The following C8orf34 variants were observed in gnomAD, a reference collection of about 807,000 sequenced individuals.
The protein encoded by C8orf34 is chromosome 8 open reading frame 34, also known as uncharacterized protein C8orf34.
A neutral mutation model predicts 68.3 loss-of-function variants in C8orf34; 65 were observed. The ratio of observed to expected loss-of-function variants is 0.95; its 90% confidence interval spans 0.78 to 1.17. The LOEUF (loss-of-function observed/expected upper bound fraction) is 1.17, where lower values mean the gene tolerates loss of function less well. Among genes scored for constraint, C8orf34 ranks in the 50% most tolerant of loss-of-function variants. C8orf34 has a pLI of 0.00. For missense variants in C8orf34, 664 were observed against 655.4 expected (o/e 1.01, Z -0.14); for synonymous variants, 244 against 241.2 (o/e 1.01, Z -0.11).
intron 8 of C8orf34, among the ~76,000 whole-genome samples, chr8:68,656,090 C>T (rs1313827284): frequency 6.6e-6 from 1 of 152,130 alleles, no homozygotes; most frequent in Non-Finnish European, 1.5e-5. Flanking sequence ...ATGCTGCTCT[C>T]CTCTTCCAGG....
At chr8:68,782,197 A>G (rs888374183) in intron 11 of C8orf34, among the ~76,000 whole-genome samples, 4 of 152,182 alleles carry the variant, frequency 2.6e-5, no homozygotes, top group Non-Finnish European at 4.4e-5. Flanking sequence ...ATCAGAGACT[A>G]TGTCACATTT....
intron 12 of C8orf34, among the ~76,000 whole-genome samples, chr8:68,814,855 G>C (rs1425985815): frequency 6.6e-6 from 1 of 152,112 alleles, no homozygotes; most frequent in Non-Finnish European, 1.5e-5. Flanking sequence ...TTTTAAAAGT[G>C]ATTGTTCTAT....
intron 1 of C8orf34, among the ~76,000 whole-genome samples, chr8:68,425,701 C>G (rs115378357): frequency 2.7e-5 from 4 of 149,092 alleles, no homozygotes; most frequent in Admixed American, 1.3e-4. Context: ...ATGAAAAGAG[C>G]CTAGAATAGC....
chr8:68,336,220 A>G (rs773957557), intron 1 of C8orf34, among the ~76,000 whole-genome samples: 14 of 152,166 alleles, frequency 9.2e-5, no homozygotes, highest in East Asian at 3.9e-4. Flanking sequence ...TTAAGAAGCC[A>G]TGAACCATAC....
chr8:68,817,731 G>GACT (rs1563686571), intron 13 of C8orf34, among the ~76,000 whole-genome samples: 25 of 152,038 alleles, frequency 1.6e-4, no homozygotes, highest in Non-Finnish European at 3.7e-4. Flanking sequence ...AAAGAAAAGA[G>GACT]GTTTAAGTGC....
intron 6 of C8orf34, among the ~76,000 whole-genome samples, chr8:68,529,509 G>T (rs914560323): frequency 6.6e-6 from 1 of 152,172 alleles, no homozygotes; most frequent in Admixed American, 6.5e-5. Context: ...TCTGAACCCT[G>T]CAGATTCTTT....
At chr8:68,477,711 G>T (rs1240869624) in intron 4 of C8orf34, among the ~76,000 whole-genome samples, 4 of 152,186 alleles carry the variant, frequency 2.6e-5, no homozygotes, top group Non-Finnish European at 4.4e-5. Context: ...GCAGACTTCT[G>T]CCTGGACATT....
intron 7 of C8orf34, among the ~76,000 whole-genome samples, chr8:68,636,285 A>G (rs1338361734): frequency 1.3e-5 from 2 of 152,192 alleles, no homozygotes; most frequent in East Asian, 1.9e-4. Context: ...CTAATGCTGC[A>G]TATGATCTGG....
chr8:68,528,058 T>A (rs1815089277), intron 6 of C8orf34, among the ~76,000 whole-genome samples: 1 of 152,216 alleles, frequency 6.6e-6, no homozygotes, highest in Non-Finnish European at 1.5e-5. Flanking sequence ...AGCAATAATT[T>A]GCTAACTGCC....
intron 9 of C8orf34, among the ~76,000 whole-genome samples, chr8:68,720,426 C>T (rs1428262951): frequency 6.6e-6 from 1 of 151,848 alleles, no homozygotes; most frequent in Non-Finnish European, 1.5e-5. Context: ...AGATTTCATG[C>T]TCTAATTCTC....
At chr8:68,539,962 G>A (rs1815639677) in intron 7 of C8orf34, among the ~76,000 whole-genome samples, 1 of 152,118 alleles carries the variant, frequency 6.6e-6, no homozygotes, top group East Asian at 1.9e-4. Context: ...GCTTTTATGA[G>A]GTTTTATTCA....
intron 7 of C8orf34, among the ~76,000 whole-genome samples, chr8:68,638,719 C>T (rs1425213653): frequency 6.6e-6 from 1 of 151,754 alleles, no homozygotes; most frequent in African/African-American, 2.4e-5. Context: ...TTTGATGACT[C>T]CCATGAAGTT....
chr8:68,342,416 G>T lies in C8orf34; in HGVS notation c.327+11077G>T, dbSNP rs554067680. ...TTAGAAGATAAGTTACCGGTTAGGA[G>T]AAAATATTTTCAAAGCACACATCTA... On this transcript the variant is annotated intron_variant, in intron 1 of 13. Transcript: ENST00000518698. Among the ~76,000 whole-genome samples, 16 of 152,240 alleles carry T rather than the reference G, an allele frequency of 1.1e-4. No homozygotes were observed. In the East Asian group the frequency reaches 1.7e-3, roughly 17 times the overall value.
At chr8:68,360,752 C>CTTTTTTTTTT (rs1319672272) in intron 1 of C8orf34, among the ~76,000 whole-genome samples, 1 of 144,192 alleles carries the variant, frequency 6.9e-6, no homozygotes, top group African/African-American at 2.7e-5. Context: ...CCTTTTCTTC[C>CTTTTTTTTTT]TTTCTTTTTT....
chr8:68,466,463 A>C (rs1812140097), intron 3 of C8orf34, among the ~76,000 whole-genome samples: 1 of 152,012 alleles, frequency 6.6e-6, no homozygotes, highest in South Asian at 2.1e-4. Flanking sequence ...CTTGATCACT[A>C]CGTGTTATAT....
chr8:68,528,736 T>C (rs907181202), intron 6 of C8orf34, among the ~76,000 whole-genome samples: 1 of 152,202 alleles, frequency 6.6e-6, no homozygotes, highest in Non-Finnish European at 1.5e-5. Flanking sequence ...TCCTCAATGA[T>C]GACTTCACAT....
At chr8:68,677,622 C>T (rs1210213629) in intron 8 of C8orf34, among the ~76,000 whole-genome samples, 1 of 152,076 alleles carries the variant, frequency 6.6e-6, no homozygotes, top group Non-Finnish European at 1.5e-5. Flanking sequence ...TAACAAAGTG[C>T]TGGGATTGCA....
intron 5 of C8orf34, among the ~76,000 whole-genome samples, chr8:68,513,452 C>T (rs904120156): frequency 1.3e-5 from 2 of 152,294 alleles, no homozygotes; most frequent in East Asian, 3.9e-4. Flanking sequence ...ACCGGAGTTA[C>T]AAGCCATGCC....
intron 3 of C8orf34, among the ~76,000 whole-genome samples, chr8:68,464,577 G>T (rs1037890605): frequency 6.6e-6 from 1 of 152,094 alleles, no homozygotes; most frequent in African/African-American, 2.4e-5. Flanking sequence ...AACCAAAACA[G>T]CATGGTACTG....
Sources: gnomAD v4.1 joint callset for allele counts (sites outside exome capture counted in the v4.1 genomes callset) on GRCh38, gnomAD v4.1.1 for gene constraint, MANE v1.5 for transcripts, NCBI Gene and HGNC (gene_info 2026-07-23, HGNC 2026-07-21) for gene names.